Variants in FILIP1L observed in about 807,000 individuals in gnomAD.
The protein encoded by FILIP1L is filamin A-interacting protein 1-like.
A neutral mutation model predicts 96.6 loss-of-function variants in FILIP1L; 55 were observed. That is an observed-to-expected ratio of 0.57 (90% CI 0.46 to 0.71). The LOEUF (loss-of-function observed/expected upper bound fraction) is 0.71. FILIP1L is among the 30% of genes least tolerant of loss of function. The probability of loss-of-function intolerance (pLI) is 0.00; values close to 1 mark genes in which losing one functional copy is unlikely to be tolerated. For missense variants in FILIP1L, 1,304 were observed against 1,321.2 expected (o/e 0.99, Z 0.20); for synonymous variants, 467 against 473.9 (o/e 0.99, Z 0.19).
intron 1 of FILIP1L, among the ~76,000 whole-genome samples, chr3:99,957,764 T>C (rs537648338): frequency 6.9e-6 from 1 of 144,070 alleles, no homozygotes; most frequent in African/African-American, 2.6e-5. Context: ...AAAACACAGG[T>C]TCCATTCAGT....
intron 4 of FILIP1L, among the ~76,000 whole-genome samples, chr3:99,856,983 C>G (rs1471989570): frequency 6.6e-6 from 1 of 152,070 alleles, no homozygotes; most frequent in Non-Finnish European, 1.5e-5. Flanking sequence ...TACAGTCAAC[C>G]CTACTAAAAT....
At chr3:99,930,479 T>C (rs1268858720) in intron 2 of FILIP1L, among the ~76,000 whole-genome samples, 4 of 152,182 alleles carry the variant, frequency 2.6e-5, no homozygotes, top group African/African-American at 4.8e-5. Flanking sequence ...CATCTGGCAT[T>C]ATTGCTACTG....
At chr3:100,109,662 G>T (rs750462950) in intron 1 of FILIP1L, among the ~76,000 whole-genome samples, 1 of 151,958 alleles carries the variant, frequency 6.6e-6, no homozygotes, top group Non-Finnish European at 1.5e-5. Flanking sequence ...TGTTTCATTG[G>T]TATTGCTGAG....
chr3:99,987,249 C>T (rs1448906214), intron 1 of FILIP1L, among the ~76,000 whole-genome samples: 2 of 148,150 alleles, frequency 1.3e-5, no homozygotes, highest in East Asian at 4.0e-4. Context: ...AAAAAAAAGG[C>T]CAGGCACAGT....
chr3:99,874,746 AT>A (rs1705424025), intron 4 of FILIP1L, among the ~76,000 whole-genome samples: 2 of 152,346 alleles, frequency 1.3e-5, no homozygotes, highest in African/African-American at 4.8e-5. Context: ...CATTTTGAGT[AT>A]TTTTTAAATG....
intron 1 of FILIP1L, among the ~76,000 whole-genome samples, chr3:99,973,420 C>G (rs1327010197): frequency 1.8e-4 from 28 of 152,166 alleles, no homozygotes; most frequent in Admixed American, 1.8e-3. Flanking sequence ...TTCTAAACAT[C>G]AAACCACATA....
At chr3:100,105,969 C>G (rs1407181485) in intron 1 of FILIP1L, among the ~76,000 whole-genome samples, 1 of 152,166 alleles carries the variant, frequency 6.6e-6, no homozygotes. Flanking sequence ...CACATAGCTT[C>G]TCACCATCAG....
At chr3:99,865,204 C>T (rs1251950859) in intron 4 of FILIP1L, among the ~76,000 whole-genome samples, 3 of 152,038 alleles carry the variant, frequency 2.0e-5, no homozygotes, top group East Asian at 1.9e-4. Flanking sequence ...CAGGTATTAC[C>T]GTCTTCTTAT....
At chr3:99,843,091 C>G (rs1161159673) in intron 5 of FILIP1L, among the ~76,000 whole-genome samples, 1 of 152,222 alleles carries the variant, frequency 6.6e-6, no homozygotes, top group East Asian at 1.9e-4. Flanking sequence ...CCTTAGTAAA[C>G]TACTTGTCTT....
intron 4 of FILIP1L, among the ~76,000 whole-genome samples, chr3:99,874,695 C>T (rs1261375781): frequency 6.6e-6 from 1 of 152,166 alleles, no homozygotes; most frequent in Non-Finnish European, 1.5e-5. Context: ...CTTTTAAAAA[C>T]CATCCAACAG....
intron 1 of FILIP1L, among the ~76,000 whole-genome samples, chr3:100,096,053 A>G (rs997588562): frequency 1.3e-5 from 2 of 152,228 alleles, no homozygotes; most frequent in Non-Finnish European, 2.9e-5. Flanking sequence ...AGAAAACTGC[A>G]CATCAAAACT....
chr3:100,084,810 G>T (rs2065982720), intron 1 of FILIP1L, among the ~76,000 whole-genome samples: 1 of 152,164 alleles, frequency 6.6e-6, no homozygotes, highest in Non-Finnish European at 1.5e-5. Flanking sequence ...CAGAGCTGTA[G>T]CTTCTTTTTC....
chr3:99,951,744 A>G (rs1576596244), intron 1 of FILIP1L, among the ~76,000 whole-genome samples: 1 of 152,220 alleles, frequency 6.6e-6, no homozygotes. Flanking sequence ...ATCATGGGTC[A>G]GCAAACTCTT....
intron 1 of FILIP1L, among the ~76,000 whole-genome samples, chr3:100,024,766 C>T (rs2064887829): frequency 2.0e-5 from 3 of 152,078 alleles, no homozygotes; most frequent in Admixed American, 1.3e-4. Context: ...AGCTCAGTTA[C>T]GGAGGCTTCT....
intron 1 of FILIP1L, among the ~76,000 whole-genome samples, chr3:100,084,430 G>A (rs866402938): frequency 3.3e-5 from 5 of 152,054 alleles, no homozygotes; most frequent in South Asian, 4.2e-4. Context: ...TCACATTTTG[G>A]GCTTACTTTC....
chr3:99,967,673 G>A (rs1416847332), intron 1 of FILIP1L, among the ~76,000 whole-genome samples: 1 of 152,190 alleles, frequency 6.6e-6, no homozygotes, highest in Non-Finnish European at 1.5e-5. Flanking sequence ...TTGGGCCTTG[G>A]TAGTAGCTGA....
intron 1 of FILIP1L, among the ~76,000 whole-genome samples, chr3:100,069,363 A>T (rs540288291): frequency 6.6e-6 from 1 of 152,180 alleles, no homozygotes; most frequent in East Asian, 1.9e-4. Context: ...TAATTTTTGC[A>T]ACAGCCTTAA....
chr3:100,091,329 G>A (rs1559754331), intron 1 of FILIP1L, among the ~76,000 whole-genome samples: 1 of 151,960 alleles, frequency 6.6e-6, no homozygotes. Flanking sequence ...CCTTTAAGGG[G>A]TGTGCATGTA....
At chr3:100,033,199 A>C in intron 1 of FILIP1L, among the ~76,000 whole-genome samples, 1 of 152,226 alleles carries the variant, frequency 6.6e-6, no homozygotes, top group East Asian at 1.9e-4. Flanking sequence ...AGAAAAAATC[A>C]AACTAATTGT....
Sources: gnomAD v4.1 joint callset for allele counts (sites outside exome capture counted in the v4.1 genomes callset) on GRCh38, gnomAD v4.1.1 for gene constraint, MANE v1.5 for transcripts, NCBI Gene and HGNC (gene_info 2026-07-23, HGNC 2026-07-21) for gene names.